TNIK: variants seen among roughly 807,000 people sequenced by gnomAD.
TNIK encodes TRAF2 and NCK interacting kinase, also known as TRAF2 and NCK-interacting protein kinase.
Under a neutral mutation model 191.3 loss-of-function variants are expected in TNIK, and 49 were observed. The ratio of observed to expected loss-of-function variants is 0.26; its 90% CI spans 0.20 to 0.32. TNIK has a LOEUF of 0.32. Among genes scored for constraint, TNIK ranks in the 10% least tolerant of loss-of-function variants. TNIK has a pLI of 1.00. For synonymous variants in TNIK, 594 were observed against 600.9 expected (o/e 0.99, Z 0.17); for missense variants, 1,155 against 1,702.3 (o/e 0.68, Z 5.66).
At chr3:171,183,870 G>A (rs182998619) in intron 7 of TNIK, among the ~76,000 whole-genome samples, 55 of 142,394 alleles carry the variant, frequency 3.9e-4, no homozygotes, top group Middle Eastern at 3.8e-3. Flanking sequence ...GCAGTGAGCC[G>A]AGATCGTGCC....
At chr3:171,364,739 G>T (rs1310309565) in intron 2 of TNIK, among the ~76,000 whole-genome samples, 1 of 152,120 alleles carries the variant, frequency 6.6e-6, no homozygotes, top group Non-Finnish European at 1.5e-5. Context: ...GGAAGCAGAG[G>T]CAGTGGCTAG....
At chr3:171,410,640 G>A (rs533684751) in intron 1 of TNIK, among the ~76,000 whole-genome samples, 9 of 152,102 alleles carry the variant, frequency 5.9e-5, no homozygotes, top group South Asian at 2.1e-4. Flanking sequence ...TTGGCCAGGC[G>A]TGGTGGCAGG....
intron 1 of TNIK, among the ~76,000 whole-genome samples, chr3:171,412,339 T>C (rs1461944135): frequency 1.3e-5 from 2 of 152,258 alleles, no homozygotes; most frequent in East Asian, 1.9e-4. Context: ...AAAAAATAGA[T>C]AGCTAATTAG....
intron 2 of TNIK, among the ~76,000 whole-genome samples, chr3:171,301,252 AC>A (rs1471506494): frequency 6.6e-6 from 1 of 152,026 alleles, no homozygotes; most frequent in African/African-American, 2.4e-5. Context: ...CTGTGTTCTA[AC>A]TGTGAGAAAG....
At chr3:171,458,012 A>T (rs568398373) in intron 1 of TNIK, among the ~76,000 whole-genome samples, 2 of 152,192 alleles carry the variant, frequency 1.3e-5, no homozygotes, top group African/African-American at 4.8e-5. Context: ...GAAAAAGCCC[A>T]TAAGGGACAA....
In TNIK at chr3:171,107,199, T is replaced by C; in HGVS notation, c.2390A>G (p.Lys797Arg). The C allele has an allele frequency of 1.2e-6, 2 of 1,612,390 alleles. No individual in the cohort carries two copies. Among genetic ancestry groups the C allele is most frequent in the East Asian group, 2.2e-5 (1 of 44,842 alleles). Residue 797 changes from lysine (K) to arginine (R), a missense_variant, in exon 21 of 33, where the codon AAA becomes AGA. Lys to Arg is a conservative substitution (Grantham distance 26). Around this residue, in one of 3 missense-constraint regions of TNIK, gnomAD observed 735 missense variants for 848.0 expected, o/e 0.87. Coordinates refer to ENST00000436636, the MANE Select transcript of TNIK (RefSeq NM_015028.4). ...ITRPSRPASY[K>R]KAIDEDLTAL... ...AATACTAACCTCATCTATAGCTTTTTTGTAGCTCTGAAATGAGAGGAACCC... is the reference window on the plus strand; with the variant it reads ...AATACTAACCTCATCTATAGCTTTTCTGTAGCTCTGAAATGAGAGGAACCC...
chr3:171,102,581 C>T (rs1297371747), intron 21 of TNIK, among the ~76,000 whole-genome samples: 1 of 152,180 alleles, frequency 6.6e-6, no homozygotes, highest in East Asian at 1.9e-4. Flanking sequence ...CTGCCCATGG[C>T]ACACAGCATG....
intron 3 of TNIK, among the ~76,000 whole-genome samples, chr3:171,220,199 G>A (rs904570027): frequency 2.0e-5 from 3 of 151,982 alleles, no homozygotes; most frequent in Non-Finnish European, 4.4e-5. Context: ...CAATGAGAAC[G>A]CAAGGACACA....
chr3:171,401,009 G>C (rs1448834674), intron 1 of TNIK, among the ~76,000 whole-genome samples: 2 of 152,200 alleles, frequency 1.3e-5, no homozygotes, highest in African/African-American at 2.4e-5. Flanking sequence ...TCACAGGGTT[G>C]AGACAAACAC....
chr3:171,448,374 G>A (rs1004802314), intron 1 of TNIK, among the ~76,000 whole-genome samples: 3 of 152,130 alleles, frequency 2.0e-5, no homozygotes, highest in Non-Finnish European at 4.4e-5. Flanking sequence ...ATACAACCAT[G>A]TGTCTTCTCG....
At chr3:171,404,295 AT>A (rs1415512154) in intron 1 of TNIK, among the ~76,000 whole-genome samples, 1 of 152,184 alleles carries the variant, frequency 6.6e-6, no homozygotes, top group Admixed American at 6.5e-5. Context: ...GCAATAAAAA[AT>A]GTTCCCTCCT....
intron 2 of TNIK, among the ~76,000 whole-genome samples, chr3:171,324,830 G>A (rs1024326010): frequency 2.0e-5 from 3 of 152,124 alleles, no homozygotes; most frequent in Non-Finnish European, 2.9e-5. Context: ...CGGGCGCGGT[G>A]GCTCACGCCT....
intron 1 of TNIK, among the ~76,000 whole-genome samples, chr3:171,440,893 A>G (rs1285929196): frequency 6.6e-6 from 1 of 152,234 alleles, no homozygotes; most frequent in Non-Finnish European, 1.5e-5. Flanking sequence ...GGTTTTAGAC[A>G]GGAATAGCTC....
chr3:171,064,437 A>G (rs1002213153), intron 32 of TNIK, among the ~76,000 whole-genome samples: 5 of 152,228 alleles, frequency 3.3e-5, no homozygotes, highest in Non-Finnish European at 5.9e-5. Flanking sequence ...CCTACTGACT[A>G]TCATACAGTT....
In TNIK at chr3:171,284,617, A is replaced by AG. The variant is rs555807899; in HGVS notation, c.124-56397_124-56396insC. 6.9e-4 allele frequency among the ~76,000 whole-genome samples: 105 copies of AG among 152,164 alleles called. 1 individual carries two copies. In the South Asian group the frequency reaches 0.021, roughly 30 times the overall value. ...TAAACCTCCTGCATGCTAAAAAAAAAATAAAAAATAAAATCAAATGAGCAA... is the reference window on the plus strand; with the variant it reads ...TAAACCTCCTGCATGCTAAAAAAAAAGATAAAAAATAAAATCAAATGAGCAA... On this transcript the variant is annotated intron_variant, in intron 2 of 32. Coordinates refer to ENST00000436636, the MANE Select transcript of TNIK (RefSeq NM_015028.4).
At chr3:171,404,539 T>C (rs188313663) in intron 1 of TNIK, among the ~76,000 whole-genome samples, 272 of 152,086 alleles carry the variant, frequency 1.8e-3, no homozygotes, top group Non-Finnish European at 2.9e-3. Context: ...TTTTTTTTTT[T>C]AACCGAGCTA....
In TNIK at chr3:171,283,384, T is replaced by A. The variant is rs1369258568; in HGVS notation, c.124-55163A>T. Reference sequence around the variant, plus strand: ...GAAGATTTGGCAACCTAAATGAACATGAGAGAAAGCCAATAGTATAACTAA... The same window carrying A: ...GAAGATTTGGCAACCTAAATGAACAAGAGAGAAAGCCAATAGTATAACTAA... On this transcript the variant is annotated intron_variant, in intron 2 of 32. Transcript: ENST00000436636. Among the ~76,000 whole-genome samples, 3 of 152,024 alleles carry A rather than the reference T, an allele frequency of 2.0e-5. No individual in the cohort carries two copies. The East Asian group carries it at 5.8e-4, about 29-fold the overall frequency.
intron 1 of TNIK, among the ~76,000 whole-genome samples, chr3:171,438,188 G>A (rs1342021204): frequency 1.3e-5 from 2 of 152,200 alleles, no homozygotes; most frequent in African/African-American, 4.8e-5. Context: ...AGAGCAATGA[G>A]TAGAGGCCAT....
intron 1 of TNIK, among the ~76,000 whole-genome samples, chr3:171,419,464 G>A (rs1322212007): frequency 6.6e-6 from 1 of 152,164 alleles, no homozygotes; most frequent in African/African-American, 2.4e-5. Context: ...AAAATCCATT[G>A]AATTGAATAC....
Sources: gnomAD v4.1 joint callset for allele counts (sites outside exome capture counted in the v4.1 genomes callset) on GRCh38, gnomAD v4.1.1 for gene constraint, gnomAD v4.1.1 regional missense constraint, MANE v1.5 for transcripts, NCBI Gene and HGNC (gene_info 2026-07-23, HGNC 2026-07-21) for gene names.